Variants in STIM1 observed in about 807,000 individuals in gnomAD.
The protein encoded by STIM1 is stromal interaction molecule 1.
A neutral mutation model predicts 74.7 loss-of-function variants in STIM1; 25 were observed. The ratio of observed to expected loss-of-function variants is 0.33; its 90% CI spans 0.24 to 0.47. The LOEUF (loss-of-function observed/expected upper bound fraction) is 0.47, where lower values mean the gene tolerates loss of function less well. STIM1 is among the 20% of genes least tolerant of loss of function. The pLI is 1.00. For synonymous variants in STIM1, 328 were observed against 348.8 expected, an observed-to-expected ratio of 0.94 and a Z score of 0.66; for missense variants, 728 against 920.8, an observed-to-expected ratio of 0.79 and a Z score of 2.71.
chr11:4,047,811 C>A (rs772494216), intron 3 of STIM1, among the ~76,000 whole-genome samples: 4 of 148,132 alleles, frequency 2.7e-5, no homozygotes, highest in Non-Finnish European at 6.0e-5. Context: ...CAGAGCAAGA[C>A]CTGTCTCTCT....
intron 3 of STIM1, among the ~76,000 whole-genome samples, chr11:4,037,701 CTA>C (rs150197638): frequency 8.0e-5 from 12 of 150,746 alleles, no homozygotes; most frequent in Non-Finnish European, 1.5e-4. Flanking sequence ...TAGTTGGGTC[CTA>C]TATATATATA....
At chr11:4,031,287 C>T (rs2094048188) in intron 3 of STIM1, among the ~76,000 whole-genome samples, 1 of 152,090 alleles carries the variant, frequency 6.6e-6, no homozygotes, top group Admixed American at 6.6e-5. Context: ...ATTTATTTAC[C>T]TATTTAGCTA....
At chr11:4,058,558 C>G (rs1248378126) in intron 4 of STIM1, among the ~76,000 whole-genome samples, 1 of 152,138 alleles carries the variant, frequency 6.6e-6, no homozygotes, top group Non-Finnish European at 1.5e-5. Flanking sequence ...CTTTTACCCC[C>G]CTCCTCTTAT....
chr11:4,037,900 C>A (rs951354980), intron 3 of STIM1, among the ~76,000 whole-genome samples: 1 of 151,948 alleles, frequency 6.6e-6, no homozygotes, highest in African/African-American at 2.4e-5. Context: ...CCTTTTCCTA[C>A]CTTTTCTGCT....
At chr11:4,091,164 TC>T in intron 12 of STIM1, 117 bp from the exon 13 acceptor site, 1 of 1,398,042 alleles carries the variant, frequency 7.2e-7, no homozygotes, top group Middle Eastern at 2.1e-4. Context: ...TGCCGCTCTA[TC>T]CCCATTTTCC....
intron 3 of STIM1, among the ~76,000 whole-genome samples, chr11:4,026,632 A>C (rs1407920934): frequency 6.6e-6 from 1 of 152,176 alleles, no homozygotes; most frequent in African/African-American, 2.4e-5. Flanking sequence ...TGGCCTTCTC[A>C]GGTTTGATAA....
At chr11:4,079,214 C>T (rs1445120708) in intron 7 of STIM1, among the ~76,000 whole-genome samples, 1 of 152,056 alleles carries the variant, frequency 6.6e-6, no homozygotes, top group Non-Finnish European at 1.5e-5. Flanking sequence ...TGGCCTGAAC[C>T]TGGGAGGCGG....
intron 2 of STIM1, among the ~76,000 whole-genome samples, chr11:4,001,499 G>A (rs962307654): frequency 6.6e-6 from 1 of 152,174 alleles, no homozygotes; most frequent in Non-Finnish European, 1.5e-5. Flanking sequence ...CTTGACAAGT[G>A]CAGGAGAAAT....
At chr11:3,980,998 A>G (rs1268304179) in intron 2 of STIM1, among the ~76,000 whole-genome samples, 4 of 152,106 alleles carry the variant, frequency 2.6e-5, no homozygotes, top group Admixed American at 6.6e-5. Flanking sequence ...CATCCAAGAA[A>G]TATATATATA....
chr11:4,002,915 T>G (rs7396993), intron 2 of STIM1, among the ~76,000 whole-genome samples: 86,941 of 119,146 alleles, frequency 0.73, 33,347 homozygotes, highest in East Asian at 0.89. Context: ...TATCACCACC[T>G]ATCCCACAGA....
intron 1 of STIM1, among the ~76,000 whole-genome samples, chr11:3,882,693 A>G (rs1369657058): frequency 6.6e-6 from 1 of 152,210 alleles, no homozygotes. Flanking sequence ...GCTAGGTTAT[A>G]TGGTAATTCT....
At chr11:4,056,749 A>T (rs1463374412) in intron 4 of STIM1, among the ~76,000 whole-genome samples, 1 of 152,136 alleles carries the variant, frequency 6.6e-6, no homozygotes, top group Non-Finnish European at 1.5e-5. Context: ...AATAATCTTA[A>T]TGTTTGTACC....
intron 1 of STIM1, among the ~76,000 whole-genome samples, chr11:3,888,849 G>T (rs189441556): frequency 1.1e-3 from 162 of 152,220 alleles, no homozygotes; most frequent in African/African-American, 3.7e-3. Context: ...ACCATGCCCG[G>T]CCGCCGTGTA....
intron 1 of STIM1, among the ~76,000 whole-genome samples, chr11:3,965,917 G>A (rs1390660894): frequency 1.3e-5 from 2 of 152,228 alleles, no homozygotes; most frequent in South Asian, 2.1e-4. Context: ...TGAGGCAGGA[G>A]AATTGCTTGA....
At chr11:4,006,398 G>T (rs2093781483) in intron 2 of STIM1, among the ~76,000 whole-genome samples, 1 of 152,052 alleles carries the variant, frequency 6.6e-6, no homozygotes, top group African/African-American at 2.4e-5. Flanking sequence ...CCCAGTCTCA[G>T]GTATTTCTTT....
At chr11:4,039,005 T>G (rs1216442957) in intron 3 of STIM1, among the ~76,000 whole-genome samples, 6 of 152,202 alleles carry the variant, frequency 3.9e-5, no homozygotes, top group Admixed American at 2.0e-4. Flanking sequence ...TTTGAAAGAA[T>G]AAATACTGGC....
In STIM1 at chr11:4,059,267, C is replaced by G. The variant is rs375359088; in HGVS notation, c.498-14C>G. The G allele has an allele frequency of 3.1e-6, 5 of 1,611,226 alleles. No homozygotes were observed. In the African/African-American group the frequency reaches 6.7e-5, roughly 22 times the overall value. The stretch of plus-strand genomic sequence containing the variant: ...ACTGGGAGGGAACTGATCTGCTACT[C>G]TTTGCCTCAACAGGCTGGCTGTCAC... On this transcript the variant is annotated splice_polypyrimidine_tract_variant and intron_variant, in intron 4 of 12. Coordinates refer to ENST00000526596, the MANE Select transcript of STIM1 (RefSeq NM_001382567.1).
intron 3 of STIM1, among the ~76,000 whole-genome samples, chr11:4,043,037 A>C (rs1232330157): frequency 1.3e-5 from 2 of 152,206 alleles, no homozygotes; most frequent in Admixed American, 6.5e-5. Flanking sequence ...AATATTTTAC[A>C]GAAGGGGAAA....
At chr11:3,967,424 T>C in intron 1 of STIM1, 128 bp from the exon 2 acceptor site, 3 of 1,396,932 alleles carry the variant, frequency 2.1e-6, no homozygotes, top group Non-Finnish European at 3.0e-6. Context: ...CCTCTGTCAC[T>C]GTACAAGTAG....
Sources: allele counts gnomAD v4.1 joint callset (sites outside exome capture counted in the v4.1 genomes callset), GRCh38; gene constraint gnomAD v4.1.1; transcripts MANE v1.5; gene names NCBI Gene and HGNC (gene_info 2026-07-23, HGNC 2026-07-21).